PCDH9: variants seen among roughly 807,000 people sequenced by gnomAD.
PCDH9 encodes protocadherin 9.
Under a neutral mutation model 70.6 loss-of-function variants are expected in PCDH9, and 24 were observed. That is an observed-to-expected ratio of 0.34 (90% CI 0.25 to 0.48). PCDH9 has a LOEUF of 0.48. Ranked by LOEUF, PCDH9 falls within the 20% of genes least tolerant of loss-of-function variation. The probability of loss-of-function intolerance (pLI) is 0.99; values close to 1 mark genes in which losing one functional copy is unlikely to be tolerated. For synonymous variants in PCDH9, 562 were observed against 558.5 expected, an observed-to-expected ratio of 1.01 and a Z score of -0.09; for missense variants, 1,281 against 1,503.6, an observed-to-expected ratio of 0.85 and a Z score of 2.45.
At chr13:66,727,402 C>A (rs1432022876) in intron 3 of PCDH9, among the ~76,000 whole-genome samples, 4 of 151,946 alleles carry the variant, frequency 2.6e-5, no homozygotes, top group Non-Finnish European at 5.9e-5. Context: ...GAAATTTAAG[C>A]CCCATTGTTC....
rs558299419 is a variant in PCDH9, at chr13:66,854,932, T to G, written c.3138+48572A>C. ...AGTTTTCCAGGAACCCAAATCTTTA[T>G]CTCCCCTAGGAGCAGCGTTTCAGAA... On this transcript the variant is annotated intron_variant, in intron 3 of 4. Transcript: ENST00000377865. 4.0e-4 allele frequency among the ~76,000 whole-genome samples: 61 copies of G among 152,202 alleles called. 1 individual carries two copies. The South Asian group carries it at 0.011, about 28-fold the overall frequency.
At chr13:66,507,375 C>T (rs560174798) in intron 4 of PCDH9, among the ~76,000 whole-genome samples, 41 of 152,236 alleles carry the variant, frequency 2.7e-4, no homozygotes, top group African/African-American at 9.4e-4. Flanking sequence ...GTGGACAAAT[C>T]ACAAAATAAT....
At chr13:66,650,217 G>A (rs1213023405) in intron 3 of PCDH9, among the ~76,000 whole-genome samples, 1 of 151,736 alleles carries the variant, frequency 6.6e-6, no homozygotes, top group Non-Finnish European at 1.5e-5. Context: ...AAGAACCAAT[G>A]ATCTGTTGCC....
At chr13:66,340,358 AG>A (rs1956105186) in intron 4 of PCDH9, among the ~76,000 whole-genome samples, 1 of 152,152 alleles carries the variant, frequency 6.6e-6, no homozygotes, top group East Asian at 1.9e-4. Flanking sequence ...TTGAAGGGAT[AG>A]TTTTCATGGT....
At chr13:66,632,660 C>T (rs896164286) in intron 3 of PCDH9, among the ~76,000 whole-genome samples, 1 of 152,090 alleles carries the variant, frequency 6.6e-6, no homozygotes, top group African/African-American at 2.4e-5. Flanking sequence ...GGAAAATGCT[C>T]TTTTAGCTGC....
At chr13:66,964,875 G>A (rs2083406533) in intron 2 of PCDH9, among the ~76,000 whole-genome samples, 1 of 151,798 alleles carries the variant, frequency 6.6e-6, no homozygotes, top group Admixed American at 6.6e-5. Context: ...GAGCATTACT[G>A]AATTACACAC....
intron 2 of PCDH9, among the ~76,000 whole-genome samples, chr13:67,038,282 G>A (rs2085047581): frequency 6.6e-6 from 1 of 152,120 alleles, no homozygotes; most frequent in Admixed American, 6.6e-5. Context: ...AATCATTTTG[G>A]AACTTTAGAA....
At chr13:66,339,429 A>G (rs537273804) in intron 4 of PCDH9, among the ~76,000 whole-genome samples, 1 of 152,158 alleles carries the variant, frequency 6.6e-6, no homozygotes, top group South Asian at 2.1e-4. Context: ...TCTTTTGATT[A>G]ACCTAAGTTT....
chr13:66,966,475 G>C (rs1015764318), intron 2 of PCDH9, among the ~76,000 whole-genome samples: 1 of 152,064 alleles, frequency 6.6e-6, no homozygotes, highest in Admixed American at 6.6e-5. Flanking sequence ...ACCCTCAGTC[G>C]AGGCTGCCAA....
At chr13:66,745,523 G>A (rs2079348013) in intron 3 of PCDH9, among the ~76,000 whole-genome samples, 1 of 152,148 alleles carries the variant, frequency 6.6e-6, no homozygotes, top group Non-Finnish European at 1.5e-5. Flanking sequence ...ATTTTTTCAT[G>A]TTGAATTAAT....
rs566810704 is a variant in PCDH9 at position 66,776,522 on chromosome 13, A to G, written c.3138+126982T>C. 4.6e-5 allele frequency among the ~76,000 whole-genome samples: 7 copies of G among 151,756 alleles called. No homozygotes were observed. The East Asian group carries it at 1.4e-3, about 30-fold the overall frequency. ...AGAGCCAAATCATGAGTGAACTCCC[A>G]TTCACAATTGCTTCAAAGAGAATAA... On this transcript the variant is annotated intron_variant, in intron 3 of 4. Transcript: ENST00000377865.
intron 2 of PCDH9, among the ~76,000 whole-genome samples, chr13:67,069,370 A>C (rs1319687605): frequency 6.6e-6 from 1 of 152,192 alleles, no homozygotes; most frequent in African/African-American, 2.4e-5. Flanking sequence ...TGTTGGTGTT[A>C]GGTGTTGGAG....
intron 4 of PCDH9, among the ~76,000 whole-genome samples, chr13:66,443,531 C>A (rs1958013282): frequency 6.6e-6 from 1 of 151,910 alleles, no homozygotes; most frequent in African/African-American, 2.4e-5. Flanking sequence ...TTAATAGTGA[C>A]AACATTCTAA....
chr13:67,003,997 T>C (rs992622760), intron 2 of PCDH9, among the ~76,000 whole-genome samples: 60 of 152,244 alleles, frequency 3.9e-4, no homozygotes, highest in African/African-American at 1.4e-3. Context: ...ATCTTCTCTA[T>C]AGTCCCATTA....
chr13:67,218,418 A>C lies in PCDH9; in HGVS notation c.3036+6987T>G, dbSNP rs552203383. ...TATCAGCTCAATGACAATTCTTCATACCGTTTACAATAGAAGCTTAAAGAT... is the reference window on the plus strand; with the variant it reads ...TATCAGCTCAATGACAATTCTTCATCCCGTTTACAATAGAAGCTTAAAGAT... On this transcript the variant is annotated intron_variant, in intron 2 of 4. Transcript: ENST00000377865. 3.9e-5 allele frequency: 6 copies of C among 152,224 alleles called. No individual in the cohort carries two copies. In the South Asian group the frequency reaches 1.2e-3, roughly 32 times the overall value. 9.4% of individuals were successfully genotyped at this position (152,224 alleles called of 1,614,324 possible).
intron 3 of PCDH9, among the ~76,000 whole-genome samples, chr13:66,827,685 T>G (rs1263126205): frequency 1.3e-5 from 2 of 152,180 alleles, no homozygotes; most frequent in Non-Finnish European, 2.9e-5. Context: ...GAGAGATGGA[T>G]AAACTTACAC....
intron 4 of PCDH9, among the ~76,000 whole-genome samples, chr13:66,544,481 T>C (rs1432094105): frequency 6.6e-6 from 1 of 152,114 alleles, no homozygotes; most frequent in Admixed American, 6.6e-5. Context: ...GGGTTCTTGG[T>C]TTTTCCCAGG....
chr13:67,165,586 C>G (rs1207313138), intron 2 of PCDH9, among the ~76,000 whole-genome samples: 1 of 151,914 alleles, frequency 6.6e-6, no homozygotes, highest in Non-Finnish European at 1.5e-5. Flanking sequence ...ACAAAGAGAA[C>G]ATTTTAATTC....
At position 67,228,548 on chromosome 13, in the gene PCDH9, T is replaced by C. The variant is rs745653905; in HGVS notation, c.-108A>G. The C allele has an allele frequency of 2.3e-5, 19 of 823,280 alleles. No individual in the cohort carries two copies. Among genetic ancestry groups the C allele is most frequent in the Non-Finnish European group, 3.1e-5 (17 of 539,964 alleles). The allele number at this position is 823,280 out of a possible 1,614,324, so 51.0% of individuals were successfully genotyped here. ...CGTGCATGGACTGGAGGATGCATTATATCTCATCACTTATTTGGAGACAGC... is the reference window on the plus strand; with the variant it reads ...CGTGCATGGACTGGAGGATGCATTACATCTCATCACTTATTTGGAGACAGC... On this transcript the variant is annotated 5_prime_UTR_variant, in exon 2 of 5. In the 5' UTR this introduces an upstream ATG that the reference lacks. Coordinates refer to ENST00000377865, the MANE Select transcript of PCDH9 (RefSeq NM_203487.3).
Sources: allele counts gnomAD v4.1 joint callset (sites outside exome capture counted in the v4.1 genomes callset), GRCh38; gene constraint gnomAD v4.1.1; transcripts MANE v1.5; gene names NCBI Gene and HGNC (gene_info 2026-07-23, HGNC 2026-07-21).